Variants in SCYL3 observed in about 807,000 individuals in gnomAD.
SCYL3 encodes protein-associating with the carboxyl-terminal domain of ezrin.
A neutral mutation model predicts 73.8 loss-of-function variants in SCYL3; 35 were observed. The observed-to-expected ratio is 0.47, with a 90% CI of 0.36 to 0.63. The LOEUF is 0.63. Ranked by LOEUF, SCYL3 falls within the 20% of genes least tolerant of loss-of-function variation. The pLI is 0.00. For synonymous variants in SCYL3, 277 were observed against 295.2 expected (o/e 0.94, Z 0.63); for missense variants, 712 against 798.9 (o/e 0.89, Z 1.31).
chr1:169,858,544 TTACA>T (rs374349609), intron 11 of SCYL3, among the ~76,000 whole-genome samples: 27 of 152,250 alleles, frequency 1.8e-4, no homozygotes, highest in African/African-American at 6.3e-4. Context: ...TATAAACCAG[TTACA>T]TAGTCATTTG....
rs376537056 is a variant in SCYL3, at chr1:169,850,641, C to T, written c.*3072G>A. On this transcript the variant is annotated 3_prime_UTR_variant, in exon 13 of 13. Transcript: ENST00000367771. ...GGAAACCCTGTTTCTACTAAAAATA[C>T]AAAAATTAGCCGGGCATGGTGGTAC... The T allele has an allele frequency of 2.2e-4, 48 of 222,774 alleles. No homozygotes were observed. The South Asian group carries it at 3.4e-3, about 16-fold the overall frequency. The allele number at this position is 222,774 out of a possible 1,614,324, so 13.8% of individuals were successfully genotyped here.
At chr1:169,891,647 T>G (rs76690980) in intron 1 of SCYL3, among the ~76,000 whole-genome samples, 3,031 of 152,334 alleles carry the variant, frequency 0.02, 89 homozygotes, top group South Asian at 0.08. Context: ...GGACTGTATA[T>G]TAATGAATAT....
rs940513042 is a variant in SCYL3 at position 169,868,816 on chromosome 1, G to A, written c.737+112C>T. The stretch of plus-strand genomic sequence containing the variant: ...CAATCTCTCCTAATAATTAACAACA[G>A]AAACTGCATCATTTGGTCCTCCAAA... On this transcript the variant is annotated intron_variant, in intron 7 of 12. Transcript: ENST00000367771. The A allele has an allele frequency of 4.5e-6, 3 of 662,412 alleles. No homozygotes were observed. In the African/African-American group the frequency reaches 5.4e-5, roughly 12 times the overall value. 41.0% of individuals were successfully genotyped at this position (662,412 alleles called of 1,614,324 possible). A position where few individuals can be genotyped will look rare whatever the true frequency, so the allele number is the denominator to read the frequency against.
intron 2 of SCYL3, among the ~76,000 whole-genome samples, chr1:169,883,159 A>G (rs6427228): frequency 0.7 from 106,852 of 151,848 alleles, 37,783 homozygotes; most frequent in Middle Eastern, 0.86. Flanking sequence ...CAGACACGCC[A>G]CCTTTAAGAA....
At chr1:169,876,715 G>A (rs1318208095) in intron 3 of SCYL3, among the ~76,000 whole-genome samples, 3 of 151,994 alleles carry the variant, frequency 2.0e-5, no homozygotes, top group Admixed American at 2.0e-4. Flanking sequence ...CAGCACTTTG[G>A]GAGGTCGAGG....
At chr1:169,860,679 TATG>T (rs1659571996) in intron 10 of SCYL3, among the ~76,000 whole-genome samples, 1 of 152,226 alleles carries the variant, frequency 6.6e-6, no homozygotes, top group South Asian at 2.1e-4. Context: ...GCCCACTGAA[TATG>T]ATAATCATAA....
intron 11 of SCYL3, 47 bp downstream of exon 11, chr1:169,858,994 T>C: frequency 6.4e-7 from 1 of 1,551,604 alleles, no homozygotes; most frequent in South Asian, 1.2e-5. Flanking sequence ...ATACTAAAAA[T>C]CTAAAAAAAT....
chr1:169,874,909 A>G (rs1660689544), intron 4 of SCYL3, among the ~76,000 whole-genome samples: 1 of 152,228 alleles, frequency 6.6e-6, no homozygotes, highest in South Asian at 2.1e-4. Flanking sequence ...CCTGGGTGAC[A>G]GAGAGAAATT....
intron 9 of SCYL3, among the ~76,000 whole-genome samples, 199 bp from the exon 10 acceptor site, chr1:169,862,996 T>C (rs1006786969): frequency 9.2e-5 from 14 of 152,082 alleles, no homozygotes; most frequent in Non-Finnish European, 1.6e-4. Flanking sequence ...CACTGCAACC[T>C]CCTCCTCCCA....
Position 169,851,566 on chromosome 1 carries a change from T to G in SCYL3, c.*2147A>C. The G allele has an allele frequency of 2.1e-6, 1 of 485,718 alleles. No homozygotes were observed. The highest frequency in any genetic ancestry group is 3.6e-6 in the Non-Finnish European group (1 of 275,102). 30.1% of individuals were successfully genotyped at this position (485,718 alleles called of 1,614,324 possible). ...CACTGCTGTTGCCAGTTTCTTAGCT[T>G]ATACAGTAAAGGTTAGCAGACTATC... On this transcript the variant is annotated 3_prime_UTR_variant, in exon 13 of 13. Transcript: ENST00000367771.
chr1:169,854,053 A>C, intron 12 of SCYL3: 1 of 567,648 alleles, frequency 1.8e-6, no homozygotes, highest in Non-Finnish European at 3.0e-6. Flanking sequence ...TTTTCAAATA[A>C]AAAGGTTACA....
chr1:169,884,148 T>A (rs898289264), intron 2 of SCYL3, among the ~76,000 whole-genome samples: 2 of 152,188 alleles, frequency 1.3e-5, no homozygotes, highest in African/African-American at 2.4e-5. Context: ...AAAAAATAAT[T>A]AAGAAAATAT....
At position 169,878,749 on chromosome 1, in the gene SCYL3, T is replaced by C. The variant is rs1238393700; in HGVS notation, c.236A>G (p.His79Arg). The C allele has an allele frequency of 6.2e-7, 1 of 1,614,076 alleles. No individual in the cohort carries two copies. Among genetic ancestry groups the C allele is most frequent in the Non-Finnish European group, 8.5e-7 (1 of 1,180,028 alleles). The change falls in exon 3 of 13, where the codon CAT (histidine) becomes CGT (arginine). Residue 79 changes from histidine to arginine, a missense_variant. Coordinates refer to ENST00000367771, the MANE Select transcript of SCYL3 (RefSeq NM_020423.7). ...GGGCTGTACTCGCTCAGTGACAAGATGAATGCCATCCGCTTCCACAGTACA... is the reference window on the plus strand; with the variant it reads ...GGGCTGTACTCGCTCAGTGACAAGACGAATGCCATCCGCTTCCACAGTACA... Reference protein sequence around the residue: ...LSCTVEADGIHLVTERVQPLE... With the variant: ...LSCTVEADGIRLVTERVQPLE...
At chr1:169,869,814 G>GA (rs1167106001) in intron 6 of SCYL3, among the ~76,000 whole-genome samples, 1 of 152,088 alleles carries the variant, frequency 6.6e-6, no homozygotes, top group African/African-American at 2.4e-5. Flanking sequence ...AAATTAATAG[G>GA]AAAATAAATC....
Position 169,854,529 on chromosome 1 carries a change from G to T in SCYL3, c.1748C>A (p.Pro583Gln), listed in dbSNP as rs6702407. The T allele has an allele frequency of 1.2e-6, 2 of 1,613,874 alleles. No individual in the cohort carries two copies. Among genetic ancestry groups the T allele is most frequent in the Admixed American group, 3.3e-5 (2 of 59,972 alleles). Residue 583 changes from proline to glutamine, a missense_variant, in exon 12 of 13, where the codon CCG becomes CAG. By Grantham distance (76) the Pro-to-Gln change is moderately conservative. Around this residue, in one of 2 missense-constraint regions of SCYL3, gnomAD observed 370 missense variants for 350.8 expected, o/e 1.05. Coordinates refer to ENST00000367771, the MANE Select transcript of SCYL3 (RefSeq NM_020423.7). ...QRGDDADQIE[P>Q]PKVSSQERPL... ...CCTTTCTTGTGATGACACTTTTGGC[G>T]GCTCGATTTGGTCTGCGTCATCCCC...
At position 169,852,089 on chromosome 1, in the gene SCYL3, C is replaced by A; in HGVS notation, c.*1624G>T. 9.6e-7 allele frequency: 1 copy of A among 1,041,988 alleles called. No individual in the cohort carries two copies. Among genetic ancestry groups the A allele is most frequent in the Non-Finnish European group, 1.4e-6 (1 of 703,656 alleles). 64.5% of individuals were successfully genotyped at this position (1,041,988 alleles called of 1,614,324 possible). On this transcript the variant is annotated 3_prime_UTR_variant, in exon 13 of 13. Coordinates refer to ENST00000367771, the MANE Select transcript of SCYL3 (RefSeq NM_020423.7). ...GTAAAATTCTGTTTTATGGTAGTTG[C>A]TTTTAAAATTAAGAAGTGGGACTAC...
intron 10 of SCYL3, among the ~76,000 whole-genome samples, chr1:169,861,978 AC>A (rs1283975724): frequency 6.6e-6 from 1 of 152,202 alleles, no homozygotes; most frequent in Non-Finnish European, 1.5e-5. Flanking sequence ...GCCAAGAAAT[AC>A]CAAGGATTGC....
At chr1:169,858,922 C>A in intron 11 of SCYL3, 119 bp downstream of exon 11, 3 of 867,596 alleles carry the variant, frequency 3.5e-6, no homozygotes, top group South Asian at 4.1e-5. Flanking sequence ...GAGAAATTAA[C>A]TTTTTATTTA....
In SCYL3 at chr1:169,850,242, CTTG is replaced by C. The variant is rs1321845570; in HGVS notation, c.*3468_*3470del. ...AAGTTGTTGAAATGTTAAAATTGGT[CTTG>C]TTCATCAATTTTTTAATAGGGAACA... On this transcript the variant is annotated 3_prime_UTR_variant, in exon 13 of 13. Transcript: ENST00000367771. 1 of 1,514,948 alleles carries C rather than the reference CTTG, an allele frequency of 6.6e-7. No individual in the cohort carries two copies. The highest frequency in any genetic ancestry group is 1.1e-5 in the South Asian group (1 of 87,590). 93.8% of individuals were successfully genotyped at this position (1,514,948 alleles called of 1,614,324 possible).
Sources: gnomAD v4.1 joint callset for allele counts (sites outside exome capture counted in the v4.1 genomes callset) on GRCh38, gnomAD v4.1.1 for gene constraint, gnomAD v4.1.1 regional missense constraint, MANE v1.5 for transcripts, NCBI Gene and HGNC (gene_info 2026-07-23, HGNC 2026-07-21) for gene names.